Variants in PIWIL1 observed in about 807,000 individuals in gnomAD.
PIWIL1 encodes the protein piwi-like protein 1.
PIWIL1 carries 73 observed loss-of-function variants against 114.4 expected under a neutral mutation model. The ratio of observed to expected loss-of-function variants is 0.64; its 90% confidence interval spans 0.53 to 0.78. PIWIL1 has a LOEUF of 0.78. Among genes scored for constraint, PIWIL1 ranks in the 30% least tolerant of loss-of-function variants. The pLI, the probability that PIWIL1 is intolerant of heterozygous loss-of-function variation, is 0.00. For missense variants in PIWIL1, 723 were observed against 1,063.1 expected (o/e 0.68, Z 4.45); for synonymous variants, 375 against 369.0 (o/e 1.02, Z -0.19).
chr12:130,380,253 A>G, the PIWIL1 span, among the ~76,000 whole-genome samples: 492 of 124,498 alleles, frequency 4.0e-3, no homozygotes, highest in Middle Eastern at 0.043. Context: ...AGCATTGACA[A>G]TTCCTTCAAC....
At chr12:130,348,297 A>T (rs1270615037) in intron 7 of PIWIL1, 114 bp downstream of exon 7, 1 of 589,480 alleles carries the variant, frequency 1.7e-6, no homozygotes, top group Admixed American at 3.3e-5. Context: ...GCCGCCCATC[A>T]CATTATGTGA....
At chr12:130,416,656 C>T in the PIWIL1 span, among the ~76,000 whole-genome samples, 1 of 152,182 alleles carries the variant, frequency 6.6e-6, no homozygotes, top group Non-Finnish European at 1.5e-5. Flanking sequence ...TTCTGGACAT[C>T]AGCCTTGGCA....
At position 130,343,082 on chromosome 12, in the gene PIWIL1, A is replaced by T. The variant is rs753435298; in HGVS notation, c.171A>T (p.Gly57=). Residue 57 remains glycine (G), a synonymous_variant, in exon 3 of 21, where the codon GGA becomes GGT. Coordinates refer to ENST00000245255, the MANE Select transcript of PIWIL1 (RefSeq NM_004764.5). ...FGRGRQRGTA[G]GTAKSQGLQI... ...GTGGACGGCAGAGAGGAACAGCAGG[A>T]GGAACAGCCAAGTCACAAGGTGAAG... is the stretch of plus-strand genomic sequence containing the variant. 29 of 1,613,304 alleles carry T rather than the reference A, an allele frequency of 1.8e-5. No homozygotes were observed. The East Asian group carries it at 6.5e-4, about 36-fold the overall frequency.
the PIWIL1 span, among the ~76,000 whole-genome samples, chr12:130,387,901 A>C: frequency 6.6e-6 from 1 of 152,226 alleles, no homozygotes; most frequent in African/African-American, 2.4e-5. Flanking sequence ...TTTTTCTTTT[A>C]TAGACAGAGT....
At chr12:130,408,254 TG>T in the PIWIL1 span, among the ~76,000 whole-genome samples, 1 of 152,188 alleles carries the variant, frequency 6.6e-6, no homozygotes, top group Non-Finnish European at 1.5e-5. Flanking sequence ...TGCCTGTTTG[TG>T]TAACTATGGT....
At chr12:130,358,949 A>G (rs2073439315) in intron 14 of PIWIL1, among the ~76,000 whole-genome samples, 1 of 151,888 alleles carries the variant, frequency 6.6e-6, no homozygotes, top group Non-Finnish European at 1.5e-5. Flanking sequence ...CATCCTGCTC[A>G]TCCTCTCTCT....
the PIWIL1 span, among the ~76,000 whole-genome samples, chr12:130,412,435 T>G: frequency 6.6e-6 from 1 of 152,328 alleles, no homozygotes; most frequent in East Asian, 1.9e-4. Context: ...CACAGGAGAC[T>G]ACTGGCAGTC....
chr12:130,370,701 T>G (rs2073794321), intron 19 of PIWIL1, among the ~76,000 whole-genome samples: 4 of 152,212 alleles, frequency 2.6e-5, no homozygotes, highest in Admixed American at 2.6e-4. Context: ...TGAATTCTAC[T>G]TTTGTTAAAT....
chr12:130,365,284 C>T (rs1359661514), intron 18 of PIWIL1, among the ~76,000 whole-genome samples: 1 of 152,174 alleles, frequency 6.6e-6, no homozygotes, highest in Non-Finnish European at 1.5e-5. Context: ...GTCTTAAAAT[C>T]AGAGTTTGGT....
the PIWIL1 span, chr12:130,419,419 A>G: frequency 6.6e-6 from 1 of 152,264 alleles, no homozygotes. This position sits in a 1 kb window ranked among gnomAD's most constrained non-coding sequence, Gnocchi z 4.3. Flanking sequence ...ACCGTCTTCT[A>G]CAGGAGAGAG....
intron 16 of PIWIL1, 152 bp downstream of exon 16, chr12:130,361,753 A>G: frequency 1.6e-6 from 1 of 629,894 alleles, no homozygotes; most frequent in South Asian, 2.0e-5. Context: ...GACCTACCCT[A>G]GCTCTTGAAT....
At chr12:130,343,331 A>T (rs977761088) in intron 3 of PIWIL1, among the ~76,000 whole-genome samples, 1 of 152,200 alleles carries the variant, frequency 6.6e-6, no homozygotes, top group African/African-American at 2.4e-5. Flanking sequence ...GTTACTCAGG[A>T]TTGCAAATTT....
At chr12:130,340,499 G>A (rs932561738) in intron 1 of PIWIL1, among the ~76,000 whole-genome samples, 3 of 151,884 alleles carry the variant, frequency 2.0e-5, no homozygotes, top group African/African-American at 7.3e-5. Context: ...TCACTCCTAG[G>A]AGAATCTAAT....
chr12:130,370,890 T>C (rs535365804), intron 19 of PIWIL1, among the ~76,000 whole-genome samples: 2 of 152,206 alleles, frequency 1.3e-5, no homozygotes, highest in African/African-American at 4.8e-5. Flanking sequence ...TATGCCATCG[T>C]TTTTAGCGCC....
chr12:130,413,089 G>A, the PIWIL1 span, among the ~76,000 whole-genome samples: 1 of 152,070 alleles, frequency 6.6e-6, no homozygotes, highest in East Asian at 1.9e-4. Context: ...CACATTAAAA[G>A]GGTGTGTGAT....
At chr12:130,390,720 T>A in the PIWIL1 span, among the ~76,000 whole-genome samples, 249 of 152,294 alleles carry the variant, frequency 1.6e-3, 3 homozygotes, top group East Asian at 0.031. Flanking sequence ...CCTTGTTTGG[T>A]TTGTTCCCTC....
At chr12:130,342,516 T>C in intron 1 of PIWIL1, 64 bp from the exon 2 acceptor site, 1 of 937,622 alleles carries the variant, frequency 1.1e-6, no homozygotes, top group Non-Finnish European at 1.7e-6. Flanking sequence ...AAAGTAACAT[T>C]GTAGAAATTA....
chr12:130,342,966 T>G (rs765412490), intron 2 of PIWIL1, 24 bp from the exon 3 acceptor site: 3 of 1,572,450 alleles, frequency 1.9e-6, no homozygotes, highest in Non-Finnish European at 2.6e-6. Flanking sequence ...GAAAAGAATG[T>G]TCTTTATTTG....
At chr12:130,400,060 T>C in the PIWIL1 span, among the ~76,000 whole-genome samples, 1 of 152,202 alleles carries the variant, frequency 6.6e-6, no homozygotes, top group Admixed American at 6.5e-5. Flanking sequence ...ATCTGCCTTT[T>C]GGCCAAAGAG....
Sources: gnomAD v4.1 joint callset for allele counts (sites outside exome capture counted in the v4.1 genomes callset) on GRCh38, gnomAD v4.1.1 for gene constraint, Gnocchi (gnomAD v3.1) non-coding constraint, MANE v1.5 for transcripts, NCBI Gene and HGNC (gene_info 2026-07-23, HGNC 2026-07-21) for gene names.